FAAH2: variants seen among roughly 807,000 people sequenced by gnomAD.
FAAH2 encodes the protein fatty acid amide hydrolase 2.
Under a neutral mutation model 36.9 loss-of-function variants are expected in FAAH2, and 60 were observed. The ratio of observed to expected loss-of-function variants is 1.63; its 90% confidence interval spans 1.32 to 2.02. FAAH2 has a LOEUF of 2.02. Among genes scored for constraint, FAAH2 ranks in the 30% most tolerant of loss-of-function variants. The pLI is 0.00. For missense variants in FAAH2, 689 were observed against 397.5 expected (o/e 1.73, Z -6.23); for synonymous variants, 214 against 143.8 (o/e 1.49, Z -3.49).
chrX:57,405,346 A>G (rs1402267039), intron 7 of FAAH2, among the ~76,000 whole-genome samples: 1 of 111,131 alleles, frequency 9.0e-6, no homozygotes, highest in Non-Finnish European at 1.9e-5. Flanking sequence ...TGAGTGTTAT[A>G]GCTCTAATAG....
rs1452869322 is a variant in FAAH2 at position 57,452,588 on chromosome X, C to T, written c.1423+3870C>T. Among the ~76,000 whole-genome samples, 4 of 112,270 alleles carry T rather than the reference C, an allele frequency of 3.6e-5. 1 individual carries two copies. The highest frequency in any genetic ancestry group is 7.5e-5 in the Non-Finnish European group (4 of 53,264). On this transcript the variant is annotated intron_variant, in intron 10 of 10. Transcript: ENST00000374900. ...TTCTATCTTGTTCACCTATGTAATC[C>T]GCATTGACTAGGACATTGCATTGTT...
chrX:57,438,989 T>A (rs2056482249), intron 8 of FAAH2, among the ~76,000 whole-genome samples: 1 of 111,063 alleles, frequency 9.0e-6, no homozygotes, highest in Admixed American at 9.6e-5. Context: ...ATTTTCTTAA[T>A]CCAGTCTATC....
At chrX:57,289,266 T>C (rs561099695) in intron 1 of FAAH2, among the ~76,000 whole-genome samples, 1 of 111,242 alleles carries the variant, frequency 9.0e-6, no homozygotes, top group East Asian at 2.8e-4. Flanking sequence ...GATAACGAGC[T>C]CTGATTGAAC....
chrX:57,472,170 GA>G (rs2057180890), intron 10 of FAAH2, among the ~76,000 whole-genome samples: 1 of 111,831 alleles, frequency 8.9e-6, no homozygotes, highest in African/African-American at 3.2e-5. Flanking sequence ...TACCATTCAA[GA>G]CATAGGCATG....
At chrX:57,130,136 G>A in the FAAH2 span, among the ~76,000 whole-genome samples, 1 of 111,951 alleles carries the variant, frequency 8.9e-6, no homozygotes, top group African/African-American at 3.2e-5. Flanking sequence ...CCCCTTTTGG[G>A]GGCAATATCA....
chrX:57,190,255 C>T, the FAAH2 span, among the ~76,000 whole-genome samples: 2 of 109,753 alleles, frequency 1.8e-5, no homozygotes, highest in Non-Finnish European at 3.8e-5. Flanking sequence ...ATCCACTGAC[C>T]AAGTTCCTCC....
rs866502749 is a variant in FAAH2 at position 57,394,850 on chromosome X, G to T, written c.996+13821G>T. 3.7e-6 allele frequency: 4 copies of T among 1,087,836 alleles called. No homozygotes were observed. The Middle Eastern group carries it at 8.5e-4, about 232-fold the overall frequency. The allele number at this position is 1,087,836 out of a possible 1,213,427, so 89.6% of individuals were successfully genotyped here. On this transcript the variant is annotated intron_variant, in intron 7 of 10. Transcript: ENST00000374900. The stretch of plus-strand genomic sequence containing the variant: ...CTTGGAGTGGCAGGTGGTCACTGTG[G>T]CATTGTTCCACAGAAGCAAGTCACG...
At chrX:57,394,472 G>C (rs779830989) in intron 7 of FAAH2, 41 of 1,200,634 alleles carry the variant, frequency 3.4e-5, no homozygotes, top group Non-Finnish European at 4.4e-5. Flanking sequence ...CGGTTTACAA[G>C]ATCGTGATAT....
the FAAH2 span, chrX:57,229,460 T>C: frequency 8.9e-6 from 1 of 111,780 alleles, no homozygotes; most frequent in African/African-American, 3.3e-5. Flanking sequence ...GAGACTGGAC[T>C]AAAATATATC....
intron 9 of FAAH2, 117 bp from the exon 10 acceptor site, chrX:57,448,407 C>G (rs2056723277): frequency 1.4e-6 from 1 of 706,451 alleles, no homozygotes; most frequent in South Asian, 3.2e-5. Flanking sequence ...TTTTCCATCA[C>G]TTACTTTCTC....
chrX:57,379,138 C>T (rs1262966095), intron 6 of FAAH2, among the ~76,000 whole-genome samples: 1 of 111,738 alleles, frequency 8.9e-6, no homozygotes, highest in Non-Finnish European at 1.9e-5. Context: ...TTTCCAATCT[C>T]ACCTAGGCAT....
chrX:57,282,500 A>AG (rs1316741332), upstream of FAAH2, among the ~76,000 whole-genome samples: 1 of 111,479 alleles, frequency 9.0e-6, no homozygotes, highest in Non-Finnish European at 1.9e-5. Flanking sequence ...CCCATTCTGT[A>AG]GGTTGTCTGT....
chrX:57,199,957 T>C, the FAAH2 span, among the ~76,000 whole-genome samples: 4 of 111,883 alleles, frequency 3.6e-5, no homozygotes, highest in Admixed American at 1.9e-4. Flanking sequence ...TTAATTTTTT[T>C]ATTTTCAGTT....
chrX:57,193,858 G>T, the FAAH2 span, among the ~76,000 whole-genome samples: 2 of 111,863 alleles, frequency 1.8e-5, no homozygotes, highest in African/African-American at 6.5e-5. Flanking sequence ...TTCTTGCATT[G>T]CAAGAATAAA....
chrX:57,438,110 G>A (rs2056454350), intron 8 of FAAH2, among the ~76,000 whole-genome samples: 1 of 103,422 alleles, frequency 9.7e-6, no homozygotes, highest in South Asian at 4.0e-4. Flanking sequence ...CCAATGTATT[G>A]AATTGTGTAT....
At chrX:57,394,116 C>T (rs2055233610) in intron 7 of FAAH2, 1 of 720,291 alleles carries the variant, frequency 1.4e-6, no homozygotes, top group African/African-American at 2.1e-5. Flanking sequence ...TGGATGTCAC[C>T]TGTGAGGTGA....
At chrX:57,317,635 G>C in intron 3 of FAAH2, among the ~76,000 whole-genome samples, 1 of 111,454 alleles carries the variant, frequency 9.0e-6, no homozygotes, top group Non-Finnish European at 1.9e-5. Context: ...AGAATATTTA[G>C]GACTTGAACT....
At chrX:57,232,726 G>A in the FAAH2 span, among the ~76,000 whole-genome samples, 1 of 112,038 alleles carries the variant, frequency 8.9e-6, no homozygotes, top group African/African-American at 3.2e-5. Context: ...TAAATGTCTT[G>A]TTTTCTTCTA....
chrX:57,287,151 G>A, intron 1 of FAAH2, 134 bp downstream of exon 1: 1 of 621,785 alleles, frequency 1.6e-6, no homozygotes, highest in Non-Finnish European at 2.4e-6. Context: ...TATTGGGGAT[G>A]AAGGGAGACT....
Sources: allele counts gnomAD v4.1 joint callset (sites outside exome capture counted in the v4.1 genomes callset), GRCh38; gene constraint gnomAD v4.1.1; transcripts MANE v1.5; gene names NCBI Gene and HGNC (gene_info 2026-07-23, HGNC 2026-07-21).